PCDH15: variants seen among roughly 807,000 people sequenced by gnomAD.
PCDH15 encodes protocadherin-15.
A neutral mutation model predicts 178.5 loss-of-function variants in PCDH15; 129 were observed. That is an observed-to-expected ratio of 0.72 (90% CI 0.63 to 0.84). PCDH15 has a LOEUF of 0.84. Among genes scored for constraint, PCDH15 ranks in the 40% least tolerant of loss-of-function variants. The pLI, the probability that PCDH15 is intolerant of heterozygous loss-of-function variation, is 0.00. For synonymous variants in PCDH15, 800 were observed against 732.0 expected (o/e 1.09, Z -1.50); for missense variants, 2,230 against 2,099.9 (o/e 1.06, Z -1.21).
chr10:54,059,122 C>T (rs2093961849), intron 18 of PCDH15, among the ~76,000 whole-genome samples: 1 of 152,194 alleles, frequency 6.6e-6, no homozygotes, highest in South Asian at 2.1e-4. Flanking sequence ...ACAACTTTTT[C>T]AGCTCCAGCC....
intron 3 of PCDH15, among the ~76,000 whole-genome samples, chr10:54,421,480 T>G: frequency 1.6e-5 from 1 of 62,064 alleles, no homozygotes; most frequent in African/African-American, 4.0e-5. Flanking sequence ...TATTTAGCAT[T>G]TGATTTTTAT....
chr10:55,387,277 C>T (rs1837686155), intron 2 of PCDH15, among the ~76,000 whole-genome samples: 1 of 152,034 alleles, frequency 6.6e-6, no homozygotes, highest in African/African-American at 2.4e-5. Context: ...TGATAGTTAC[C>T]TGGTCCCAGT....
chr10:54,853,544 T>C (rs1953682667), intron 3 of PCDH15, among the ~76,000 whole-genome samples: 1 of 150,278 alleles, frequency 6.7e-6, no homozygotes, highest in South Asian at 2.1e-4. Flanking sequence ...AGAAATCTCA[T>C]AAATCTCACC....
chr10:55,078,281 T>C (rs1454395026), intron 2 of PCDH15, among the ~76,000 whole-genome samples: 1 of 152,140 alleles, frequency 6.6e-6, no homozygotes, highest in African/African-American at 2.4e-5. Context: ...AGATTGACTA[T>C]ATTGTGCTGT....
chr10:54,877,601 G>C (rs1317328503), intron 3 of PCDH15, among the ~76,000 whole-genome samples: 1 of 152,038 alleles, frequency 6.6e-6, no homozygotes, highest in Non-Finnish European at 1.5e-5. Context: ...TAACATATTA[G>C]TACTTATTAA....
intron 1 of PCDH15, among the ~76,000 whole-genome samples, chr10:54,677,970 T>C (rs1433804943): frequency 6.6e-6 from 1 of 152,182 alleles, no homozygotes; most frequent in Non-Finnish European, 1.5e-5. Flanking sequence ...TCTCACACTT[T>C]AGAGTATCTT....
intron 3 of PCDH15, among the ~76,000 whole-genome samples, chr10:54,424,986 T>A (rs2135907666): frequency 6.7e-6 from 1 of 148,870 alleles, no homozygotes; most frequent in South Asian, 2.1e-4. Flanking sequence ...TGTGCACATG[T>A]ACCCTAGAAC....
chr10:55,334,738 C>T (rs1844333294), intron 2 of PCDH15, among the ~76,000 whole-genome samples: 1 of 151,940 alleles, frequency 6.6e-6, no homozygotes, highest in South Asian at 2.1e-4. Flanking sequence ...TCTGATATTC[C>T]AATATCAAAA....
chr10:55,098,775 T>C (rs1842504242), intron 2 of PCDH15, among the ~76,000 whole-genome samples: 1 of 152,040 alleles, frequency 6.6e-6, no homozygotes, highest in Admixed American at 6.6e-5. Flanking sequence ...TCTGGTATAA[T>C]TTGCGGTGGG....
At chr10:55,303,104 TAC>T (rs1163548651) in intron 1 of PCDH15, among the ~76,000 whole-genome samples, 6 of 114,862 alleles carry the variant, frequency 5.2e-5, no homozygotes, top group African/African-American at 2.1e-4. Context: ...TATATATATA[TAC>T]ACACACACAC....
At chr10:54,675,637 T>TC (rs1185285652) in intron 1 of PCDH15, among the ~76,000 whole-genome samples, 2 of 152,134 alleles carry the variant, frequency 1.3e-5, no homozygotes, top group Admixed American at 1.3e-4. Flanking sequence ...AGTCACTTCC[T>TC]CCCCCAAGTA....
intron 8 of PCDH15, among the ~76,000 whole-genome samples, chr10:54,260,881 C>T (rs7079578): frequency 0.58 from 88,420 of 152,012 alleles, 27,842 homozygotes; most frequent in Middle Eastern, 0.71. Flanking sequence ...GATATGCCCA[C>T]GTTGGCCTCC....
intron 21 of PCDH15, among the ~76,000 whole-genome samples, chr10:53,985,343 A>AGTTAGT (rs2091019362): frequency 6.6e-6 from 1 of 152,214 alleles, no homozygotes; most frequent in Non-Finnish European, 1.5e-5. Context: ...ACTTCACACT[A>AGTTAGT]ACTAATGATC....
chr10:54,870,750 C>A (rs928066637), intron 3 of PCDH15, among the ~76,000 whole-genome samples: 4 of 151,814 alleles, frequency 2.6e-5, no homozygotes, highest in African/African-American at 9.7e-5. Context: ...CGCACCACTG[C>A]ACTCTAGCCT....
At chr10:55,434,225 G>T (rs1279721905) in intron 2 of PCDH15, among the ~76,000 whole-genome samples, 1 of 150,784 alleles carries the variant, frequency 6.6e-6, no homozygotes, top group Non-Finnish European at 1.5e-5. Flanking sequence ...CTGCCGCCAC[G>T]CCCAGCTAAT....
intron 3 of PCDH15, among the ~76,000 whole-genome samples, chr10:54,839,168 C>T (rs1745511138): frequency 6.6e-6 from 1 of 152,108 alleles, no homozygotes; most frequent in Admixed American, 6.6e-5. Context: ...ACTAATAAAA[C>T]TCCTATAATT....
chr10:54,663,692 C>CAAA (rs11429433), intron 2 of PCDH15, among the ~76,000 whole-genome samples: 1 of 144,218 alleles, frequency 6.9e-6, no homozygotes, highest in Non-Finnish European at 1.5e-5. Context: ...CTATTCTTCC[C>CAAA]AAAAAAAAAA....
At chr10:55,246,055 A>C (rs1032081976) in intron 1 of PCDH15, among the ~76,000 whole-genome samples, 1 of 152,192 alleles carries the variant, frequency 6.6e-6, no homozygotes, top group African/African-American at 2.4e-5. Context: ...CAATAAAGCA[A>C]ACCAAAGTTT....
At chr10:54,546,374 T>G (rs557815494) in intron 2 of PCDH15, among the ~76,000 whole-genome samples, 1 of 152,248 alleles carries the variant, frequency 6.6e-6, no homozygotes, top group Admixed American at 6.5e-5. Flanking sequence ...CATTCTTAGT[T>G]TTGAGTGTGA....
Sources: allele counts gnomAD v4.1 joint callset (sites outside exome capture counted in the v4.1 genomes callset), GRCh38; gene constraint gnomAD v4.1.1; transcripts MANE v1.5; gene names NCBI Gene and HGNC (gene_info 2026-07-23, HGNC 2026-07-21).